Variants in SPAG6 observed in about 807,000 individuals in gnomAD.
SPAG6 encodes sperm associated antigen 6.
SPAG6 carries 49 observed loss-of-function variants against 58.5 expected under a neutral mutation model. The observed-to-expected ratio is 0.84, with a 90% confidence interval of 0.67 to 1.06. The LOEUF (loss-of-function observed/expected upper bound fraction) is 1.06, where lower values mean the gene tolerates loss of function less well. Among genes scored for constraint, SPAG6 ranks in the 50% least tolerant of loss-of-function variants. The pLI is 0.00. For missense variants in SPAG6, 560 were observed against 611.3 expected (o/e 0.92, Z 0.89); for synonymous variants, 233 against 225.6 (o/e 1.03, Z -0.29).
intron 4 of SPAG6, among the ~76,000 whole-genome samples, chr10:22,381,828 A>G (rs1045525698): frequency 2.0e-5 from 3 of 152,136 alleles, no homozygotes; most frequent in African/African-American, 7.2e-5. Context: ...TTGATCTTAA[A>G]AGTCCTCCTT....
At chr10:22,365,566 C>T (rs988328508) in intron 3 of SPAG6, among the ~76,000 whole-genome samples, 1 of 152,094 alleles carries the variant, frequency 6.6e-6, no homozygotes, top group Non-Finnish European at 1.5e-5. Context: ...GTACCACTTT[C>T]TTTTTCTATA....
At chr10:22,368,730 G>A (rs1420752315) in intron 4 of SPAG6, 52 bp downstream of exon 4, 1 of 1,413,250 alleles carries the variant, frequency 7.1e-7, no homozygotes, top group Admixed American at 1.9e-5. Context: ...TTACAATTCA[G>A]ATTTATTAGG....
Position 22,364,930 on chromosome 10 carries a change from A to G in SPAG6, c.199A>G (p.Arg67Gly). ...IQQTAALALG[R>G]LANYNDDLAE... ...ACAGACTGCTGCTTTGGCTCTTGGG[A>G]GACTGGCCAATTATAATGATGACCT... The change falls in exon 3 of 11, where the codon AGA becomes GGA. Residue 67 changes from arginine (R) to glycine (G), a missense_variant. By Grantham distance (125) the Arg-to-Gly change is moderately radical. Coordinates refer to ENST00000376624, the MANE Select transcript of SPAG6 (RefSeq NM_012443.4). The G allele has an allele frequency of 6.2e-7, 1 of 1,613,460 alleles. No homozygotes were observed. Among genetic ancestry groups the G allele is most frequent in the Admixed American group, 1.7e-5 (1 of 59,902 alleles).
At position 22,368,612 on chromosome 10, in the gene SPAG6, G is replaced by T. The variant is rs1448872578; in HGVS notation, c.406G>T (p.Asp136Tyr). The change falls in exon 4 of 11, where the codon GAT becomes TAT. Residue 136 changes from aspartate to tyrosine, a missense_variant. Physicochemically the swap from Asp to Tyr is radical, Grantham distance 160 (BLOSUM62 -3). Coordinates refer to ENST00000376624, the MANE Select transcript of SPAG6 (RefSeq NM_012443.4). ...GGATACGCTGGTCATATGCTTGGAA[G>T]ATTTTGACCCTGGAGTCAAGGAGGC... The part of the protein sequence containing the change: ...ALDTLVICLE[D>Y]FDPGVKEAAA... The T allele has an allele frequency of 1.9e-6, 3 of 1,613,890 alleles. No homozygotes were observed. Among genetic ancestry groups the T allele is most frequent in the African/African-American group, 2.7e-5 (2 of 74,892 alleles).
rs2132054476 is a variant in SPAG6, at chr10:22,368,584, A to G, written c.378A>G (p.Ala126=). The G allele has an allele frequency of 2.5e-6, 4 of 1,614,026 alleles. No individual in the cohort carries two copies. The highest frequency in any genetic ancestry group is 1.7e-4 in the Middle Eastern group (1 of 6,026). ...QLAQAIVDCG[A]LDTLVICLED... is the part of the protein sequence containing the mutation. ...CTCAGGCAATAGTCGATTGTGGAGCACTGGATACGCTGGTCATATGCTTGG... is the reference window on the plus strand; with the variant it reads ...CTCAGGCAATAGTCGATTGTGGAGCGCTGGATACGCTGGTCATATGCTTGG... The change falls in exon 4 of 11, where the codon GCA becomes GCG. Residue 126 remains alanine (A), a synonymous_variant. Coordinates refer to ENST00000376624, the MANE Select transcript of SPAG6 (RefSeq NM_012443.4).
intron 8 of SPAG6, among the ~76,000 whole-genome samples, chr10:22,400,621 T>C (rs1177677784): frequency 1.3e-5 from 2 of 151,886 alleles, no homozygotes; most frequent in East Asian, 3.9e-4. Flanking sequence ...CTTCTGTGAA[T>C]GGGGAAATGT....
chr10:22,360,022 C>T (rs75065673), intron 2 of SPAG6, among the ~76,000 whole-genome samples: 1 of 152,230 alleles, frequency 6.6e-6, no homozygotes, highest in East Asian at 1.9e-4. Context: ...AAAAACTTGA[C>T]ATTTTCTTCC....
At chr10:22,391,651 C>G (rs1276182461) in intron 7 of SPAG6, 78 bp from the exon 8 acceptor site, 1 of 1,319,944 alleles carries the variant, frequency 7.6e-7, no homozygotes, top group Admixed American at 2.3e-5. Flanking sequence ...GTGATTTCTT[C>G]TCATGTTTGA....
At chr10:22,404,945 G>A (rs1435262666) in intron 9 of SPAG6, among the ~76,000 whole-genome samples, 9 of 151,426 alleles carry the variant, frequency 5.9e-5, no homozygotes, top group Non-Finnish European at 1.2e-4. Context: ...TTTGTCTGTT[G>A]TTGGTGTATA....
At chr10:22,358,632 T>C (rs1354558137) in intron 2 of SPAG6, among the ~76,000 whole-genome samples, 1 of 151,826 alleles carries the variant, frequency 6.6e-6, no homozygotes, top group Non-Finnish European at 1.5e-5. Context: ...TTGCTTTTGG[T>C]GTTTTAGACA....
intron 8 of SPAG6, among the ~76,000 whole-genome samples, chr10:22,398,478 A>G (rs1228512255): frequency 1.3e-5 from 2 of 152,200 alleles, no homozygotes; most frequent in Non-Finnish European, 2.9e-5. Context: ...TATAATCCCA[A>G]CACTTTGGAG....
intron 10 of SPAG6, among the ~76,000 whole-genome samples, chr10:22,414,788 C>T (rs542211652): frequency 2.5e-4 from 38 of 152,176 alleles, no homozygotes; most frequent in African/African-American, 6.7e-4. Context: ...TTTTTTGAGA[C>T]GGAGTTTCAC....
chr10:22,375,161 A>T (rs1833787099), intron 4 of SPAG6, among the ~76,000 whole-genome samples: 2 of 152,228 alleles, frequency 1.3e-5, no homozygotes, highest in African/African-American at 4.8e-5. Flanking sequence ...TCTTGAACTT[A>T]GTTTGTTTTC....
chr10:22,380,320 T>G (rs529591796), intron 4 of SPAG6, among the ~76,000 whole-genome samples: 2 of 152,084 alleles, frequency 1.3e-5, no homozygotes, highest in Non-Finnish European at 2.9e-5. Context: ...TTTGTTTGTT[T>G]TGAGACAGGG....
At chr10:22,361,348 TA>T (rs1837032451) in intron 2 of SPAG6, 1 of 152,416 alleles carries the variant, frequency 6.6e-6, no homozygotes, top group Non-Finnish European at 1.5e-5. Context: ...TTATTGGCCT[TA>T]TATTAATATT....
At chr10:22,413,276 G>A (rs911968406) in intron 10 of SPAG6, among the ~76,000 whole-genome samples, 166 of 152,078 alleles carry the variant, frequency 1.1e-3, no homozygotes, top group African/African-American at 3.8e-3. Context: ...GCTCATGCCT[G>A]TAATCTCAGC....
intron 10 of SPAG6, among the ~76,000 whole-genome samples, chr10:22,415,778 A>G (rs1010265618): frequency 4.6e-5 from 7 of 152,172 alleles, no homozygotes; most frequent in Admixed American, 2.0e-4. Context: ...TGCCTTCAGA[A>G]GCTTAATTAT....
intron 8 of SPAG6, among the ~76,000 whole-genome samples, chr10:22,396,055 T>C (rs567388192): frequency 1.6e-4 from 24 of 152,242 alleles, no homozygotes; most frequent in Admixed American, 9.8e-4. Context: ...CTTACAATCA[T>C]GGCAGAAGGC....
At chr10:22,407,593 G>A (rs1439252506) in intron 9 of SPAG6, among the ~76,000 whole-genome samples, 4 of 151,682 alleles carry the variant, frequency 2.6e-5, no homozygotes, top group Admixed American at 2.0e-4. Context: ...TTTCAACTTT[G>A]GTGAATCTGA....
Sources: gnomAD v4.1 joint callset for allele counts (sites outside exome capture counted in the v4.1 genomes callset) on GRCh38, gnomAD v4.1.1 for gene constraint, MANE v1.5 for transcripts, NCBI Gene and HGNC (gene_info 2026-07-23, HGNC 2026-07-21) for gene names.